The following INSL6 variants were observed in gnomAD, a reference collection of about 807,000 sequenced individuals.
The protein encoded by INSL6 is insulin like 6.
In INSL6, 16 loss-of-function variants were observed where a neutral mutation model predicts 9.4. The observed-to-expected ratio is 1.70, with a 90% CI of 1.15 to 2.59. INSL6 has a LOEUF of 2.59. Ranked by LOEUF, INSL6 falls within the 30% of genes most tolerant of loss-of-function variation. INSL6 has a pLI of 0.00. For synonymous variants in INSL6, 154 were observed against 96.9 expected (o/e 1.59, Z -3.46); for missense variants, 391 against 257.3 (o/e 1.52, Z -3.56).
the INSL6 span, chr9:5,091,392 G>C: frequency 6.5e-6 from 1 of 152,700 alleles, no homozygotes; most frequent in African/African-American, 2.4e-5. Flanking sequence ...TAATAGAGTT[G>C]ATACTGGTTT....
At chr9:5,021,365 T>G in the INSL6 span, among the ~76,000 whole-genome samples, 1 of 152,212 alleles carries the variant, frequency 6.6e-6, no homozygotes, top group Non-Finnish European at 1.5e-5. Flanking sequence ...TCTCTTCTTC[T>G]GTTGTCTGTA....
rs757883461 is a variant in INSL6, at chr9:5,163,963, A to G, written c.592T>C (p.Phe198Leu). The change falls in exon 2 of 2, where the codon TTT (phenylalanine) becomes CTT (leucine). Residue 198 changes from phenylalanine to leucine, a missense_variant. Phe to Leu is a conservative substitution (Grantham distance 22). Coordinates refer to ENST00000381641, the MANE Select transcript of INSL6 (RefSeq NM_007179.3). ...LSIACLPYID[F>L]KRLKEKRSSL... Reference sequence around the variant, plus strand: ...GATCTTTTTTCCTTTAGCCTTTTAAAATCAATATATGGAAGACATGCAATG... The same window carrying G: ...GATCTTTTTTCCTTTAGCCTTTTAAGATCAATATATGGAAGACATGCAATG... 6.2e-6 allele frequency: 10 copies of G among 1,610,610 alleles called. No individual in the cohort carries two copies. The highest frequency in any genetic ancestry group is 6.8e-6 in the Non-Finnish European group (8 of 1,179,536).
chr9:5,047,136 A>T, the INSL6 span, among the ~76,000 whole-genome samples: 1 of 152,130 alleles, frequency 6.6e-6, no homozygotes, highest in Non-Finnish European at 1.5e-5. Flanking sequence ...TACTTCTCTA[A>T]ATTTGTGCCC....
chr9:5,044,643 T>C, the INSL6 span: 1 of 544,684 alleles, frequency 1.8e-6, no homozygotes, highest in Non-Finnish European at 3.2e-6. Context: ...GCACAGCAGG[T>C]GCAGAGAAGT....
chr9:5,055,283 A>G, the INSL6 span, among the ~76,000 whole-genome samples: 1 of 152,018 alleles, frequency 6.6e-6, no homozygotes, highest in Non-Finnish European at 1.5e-5. Context: ...TTAGGTTTGC[A>G]TTGCAAGTTT....
chr9:5,165,442 C>T (rs990126127), intron 1 of INSL6, among the ~76,000 whole-genome samples: 1 of 152,152 alleles, frequency 6.6e-6, no homozygotes, highest in Non-Finnish European at 1.5e-5. Context: ...CAAAACTTGA[C>T]ATTTTCCATT....
chr9:5,163,144 C>A (rs144222527), downstream of INSL6, among the ~76,000 whole-genome samples: 70 of 152,268 alleles, frequency 4.6e-4, no homozygotes, highest in African/African-American at 1.5e-3. Context: ...AGATTGCTGA[C>A]CCCCATACCT....
chr9:5,154,069 A>G (rs1366561349), intron 2 of INSL6, among the ~76,000 whole-genome samples: 1 of 152,188 alleles, frequency 6.6e-6, no homozygotes, highest in Admixed American at 6.5e-5. Flanking sequence ...CTAACTTCAA[A>G]CTATACTACA....
intron 1 of INSL6, among the ~76,000 whole-genome samples, chr9:5,166,975 A>G (rs1429310974): frequency 1.3e-5 from 2 of 152,330 alleles, no homozygotes; most frequent in South Asian, 2.1e-4. Flanking sequence ...AGATGGCTGA[A>G]TAGAAACACC....
chr9:5,090,225 T>C, the INSL6 span, among the ~76,000 whole-genome samples: 2 of 152,218 alleles, frequency 1.3e-5, no homozygotes, highest in African/African-American at 4.8e-5. Flanking sequence ...TGAAGAGTTA[T>C]AGAAAACTGA....
intron 1 of INSL6, among the ~76,000 whole-genome samples, chr9:5,173,337 T>C (rs761165328): frequency 6.6e-6 from 1 of 152,178 alleles, no homozygotes; most frequent in Non-Finnish European, 1.5e-5. Flanking sequence ...CTATTCACAA[T>C]AGCAAAGACA....
intron 2 of INSL6, among the ~76,000 whole-genome samples, chr9:5,144,525 G>T (rs1241038976): frequency 6.6e-6 from 1 of 152,112 alleles, no homozygotes; most frequent in Non-Finnish European, 1.5e-5. Context: ...CTGAGTTCAG[G>T]TCCTGTATAT....
intron 2 of INSL6, among the ~76,000 whole-genome samples, chr9:5,152,665 G>T (rs933796724): frequency 1.3e-5 from 2 of 152,104 alleles, no homozygotes; most frequent in African/African-American, 4.8e-5. Context: ...AAATAATAAA[G>T]CTAGAAGCAT....
At chr9:5,097,430 C>G in the INSL6 span, 1 of 152,014 alleles carries the variant, frequency 6.6e-6, no homozygotes, top group African/African-American at 2.4e-5. Context: ...CATGTCGTGA[C>G]GTATTACTCT....
intron 2 of INSL6, among the ~76,000 whole-genome samples, chr9:5,145,277 T>C (rs1179211235): frequency 6.6e-6 from 1 of 152,208 alleles, no homozygotes; most frequent in Non-Finnish European, 1.5e-5. Flanking sequence ...GAATGTTTAA[T>C]ACTGACCCCC....
chr9:5,111,943 A>C, the INSL6 span: 1 of 345,060 alleles, frequency 2.9e-6, no homozygotes, highest in East Asian at 8.4e-5. Flanking sequence ...CACTCAAGCA[A>C]TAACTTGTGG....
the INSL6 span, among the ~76,000 whole-genome samples, chr9:5,015,728 G>T: frequency 1.3e-5 from 2 of 151,948 alleles, no homozygotes; most frequent in Non-Finnish European, 2.9e-5. Context: ...ATTCTTTTTC[G>T]TAGCAAAGCA....
intron 1 of INSL6, among the ~76,000 whole-genome samples, chr9:5,164,978 C>T (rs1244876367): frequency 1.3e-5 from 2 of 152,208 alleles, no homozygotes; most frequent in African/African-American, 2.4e-5. Context: ...GAGGCCGAGG[C>T]GGGCGGATCA....
chr9:5,080,620 G>T, the INSL6 span: 1 of 1,608,136 alleles, frequency 6.2e-7, no homozygotes, highest in Non-Finnish European at 8.5e-7. Flanking sequence ...TATGGATTAT[G>T]AACCAGATTT....
Sources: gnomAD v4.1 joint callset for allele counts (sites outside exome capture counted in the v4.1 genomes callset) on GRCh38, gnomAD v4.1.1 for gene constraint, MANE v1.5 for transcripts, NCBI Gene and HGNC (gene_info 2026-07-23, HGNC 2026-07-21) for gene names.